The following EMSY variants were observed in gnomAD, a reference collection of about 807,000 sequenced individuals.
EMSY encodes the protein BRCA2-interacting transcriptional repressor EMSY.
In EMSY, 26 loss-of-function variants were observed where a neutral mutation model predicts 134.6. The observed-to-expected ratio is 0.19, with a 90% CI of 0.14 to 0.27. The LOEUF (loss-of-function observed/expected upper bound fraction) is 0.27. Among genes scored for constraint, EMSY ranks in the 10% least tolerant of loss-of-function variants. The pLI is 1.00. For synonymous variants in EMSY, 579 were observed against 577.8 expected (o/e 1.00, Z -0.03); for missense variants, 1,305 against 1,611.4 (o/e 0.81, Z 3.26).
intron 20 of EMSY, 120 bp from the exon 22 acceptor site, chr11:76,549,832 T>TAGTTGTCC: frequency 1.2e-6 from 1 of 809,720 alleles, no homozygotes; most frequent in South Asian, 1.9e-5. Context: ...TGGCATGTAG[T>TAGTTGTCC]AGTTGTCCAG....
chr11:76,481,589 A>T (rs1948983121), intron 8 of EMSY, among the ~76,000 whole-genome samples: 1 of 152,326 alleles, frequency 6.6e-6, no homozygotes, highest in African/African-American at 2.4e-5. Flanking sequence ...CTTAGGCTTG[A>T]GTAGGTGGTT....
intron 16 of EMSY, 145 bp from the exon 18 acceptor site, chr11:76,539,454 C>A: frequency 2.7e-6 from 2 of 748,832 alleles, no homozygotes; most frequent in South Asian, 2.1e-5. Context: ...CATCTAGAAT[C>A]TTTCTTTAGA....
At chr11:76,477,508 T>C (rs547708000) in intron 8 of EMSY, among the ~76,000 whole-genome samples, 25 of 152,220 alleles carry the variant, frequency 1.6e-4, no homozygotes, top group African/African-American at 5.8e-4. Flanking sequence ...AGCAAATATG[T>C]ATTTATTATA....
At chr11:76,470,722 C>T (rs75562597) in intron 7 of EMSY, among the ~76,000 whole-genome samples, 238 of 152,100 alleles carry the variant, frequency 1.6e-3, no homozygotes, top group African/African-American at 5.5e-3. Context: ...TGTTTTTCTT[C>T]CTACTTAAAA....
rs1310562550 is a variant in EMSY, at chr11:76,447,022, T to A, written c.70+14T>A. ...TTCGAAAATTGGGTATGACGTTCAT[T>A]GTTTGTTTTTTACCTCTCTCTGATA... On this transcript the variant is annotated intron_variant, in intron 2 of 20. Transcript: ENST00000334736. 6.2e-7 allele frequency: 1 copy of A among 1,613,130 alleles called. No homozygotes were observed. Among genetic ancestry groups the A allele is most frequent in the Non-Finnish European group, 8.5e-7 (1 of 1,179,352 alleles).
rs1947681203 is a variant in EMSY at position 76,451,803 on chromosome 11, C to T, written c.71-55C>T. 6 of 1,096,404 alleles carry T rather than the reference C, an allele frequency of 5.5e-6. No homozygotes were observed. The South Asian group carries it at 1.1e-4, about 21-fold the overall frequency. The allele number at this position is 1,096,404 out of a possible 1,614,324, so 67.9% of individuals were successfully genotyped here. ...TGCCCTGAAGTTTCACTATACATAG[C>T]CATAGTATTAAAATATTAAAGGCCT... is the stretch of plus-strand genomic sequence containing the variant. On this transcript the variant is annotated intron_variant, in intron 2 of 20. Coordinates refer to ENST00000334736, the Ensembl canonical transcript of EMSY.
intron 12 of EMSY, among the ~76,000 whole-genome samples, chr11:76,523,608 A>G (rs924881395): frequency 1.3e-5 from 2 of 150,744 alleles, no homozygotes; most frequent in Non-Finnish European, 3.0e-5. Flanking sequence ...ATTCCTGCTT[A>G]TGGTCAATAG....
chr11:76,535,927 C>A lies in EMSY; in HGVS notation c.2227C>A (p.Arg743=). ...GCCTGTAGTTCATGTAATTGCTTCC[C>A]GGCGTCAGGATTGGTCAGAACATGA... Residue 743 remains arginine (R), a synonymous_variant, in exon 15 of 21, where the codon CGG becomes AGG. Coordinates refer to ENST00000334736, the Ensembl canonical transcript of EMSY. The A allele has an allele frequency of 6.4e-7, 1 of 1,552,418 alleles. No individual in the cohort carries two copies.
At chr11:76,526,289 A>C (rs558248313) in intron 12 of EMSY, among the ~76,000 whole-genome samples, 173 bp from the exon 14 acceptor site, 1 of 152,190 alleles carries the variant, frequency 6.6e-6, no homozygotes, top group Non-Finnish European at 1.5e-5. Context: ...ATGACTTTCT[A>C]TATCATTTCA....
At chr11:76,456,555 T>G (rs1947880796) in intron 4 of EMSY, among the ~76,000 whole-genome samples, 1 of 152,218 alleles carries the variant, frequency 6.6e-6, no homozygotes, top group African/African-American at 2.4e-5. Flanking sequence ...GAATAGCTTT[T>G]AGAATTTTTT....
chr11:76,446,323 G>A (rs56136749), intron 1 of EMSY, among the ~76,000 whole-genome samples: 89 of 58,002 alleles, frequency 1.5e-3, no homozygotes, highest in Admixed American at 3.7e-3. Flanking sequence ...GTGTGTGTGT[G>A]TATATATATA....
intron 10 of EMSY, among the ~76,000 whole-genome samples, chr11:76,513,832 G>C (rs570758790): frequency 6.6e-6 from 1 of 152,040 alleles, no homozygotes; most frequent in Non-Finnish European, 1.5e-5. Context: ...CTCTGTGAGC[G>C]TAAGGGACCA....
chr11:76,479,053 A>T (rs749208539), intron 8 of EMSY, among the ~76,000 whole-genome samples: 7 of 152,138 alleles, frequency 4.6e-5, no homozygotes, highest in Non-Finnish European at 8.8e-5. Context: ...AGAATATTTC[A>T]TTAGTATCTG....
chr11:76,445,929 G>A (rs61894507), intron 1 of EMSY, among the ~76,000 whole-genome samples: 41,255 of 152,012 alleles, frequency 0.27, 5,951 homozygotes, highest in Non-Finnish European at 0.32. Flanking sequence ...GAGGACTATG[G>A]GAAGTAGGGG....
intron 6 of EMSY, 96 bp downstream of exon 7, chr11:76,460,181 C>T (rs1948051781): frequency 7.1e-7 from 1 of 1,400,108 alleles, no homozygotes. Context: ...ATCATTGGTC[C>T]ACTAGCTGTT....
At chr11:76,486,436 G>A (rs2135585928) in intron 8 of EMSY, among the ~76,000 whole-genome samples, 1 of 152,340 alleles carries the variant, frequency 6.6e-6, no homozygotes, top group South Asian at 2.1e-4. Context: ...ACTAACAGCA[G>A]TGAACAGAGG....
intron 8 of EMSY, among the ~76,000 whole-genome samples, chr11:76,481,645 G>T (rs1948986424): frequency 6.6e-6 from 1 of 152,198 alleles, no homozygotes; most frequent in Non-Finnish European, 1.5e-5. Context: ...TTCGAACTGG[G>T]CGGAGCCCAC....
At chr11:76,518,249 C>T (rs573538176) in intron 11 of EMSY, among the ~76,000 whole-genome samples, 5 of 147,844 alleles carry the variant, frequency 3.4e-5, no homozygotes, top group East Asian at 4.0e-4. Flanking sequence ...CTTGTTACAG[C>T]GTCAGCCTCC....
chr11:76,495,006 G>A (rs1323408447), intron 8 of EMSY, among the ~76,000 whole-genome samples: 1 of 152,176 alleles, frequency 6.6e-6, no homozygotes, highest in Non-Finnish European at 1.5e-5. Context: ...AAAGTGTTGG[G>A]ATTACAGGCG....
Sources: allele counts gnomAD v4.1 joint callset (sites outside exome capture counted in the v4.1 genomes callset), GRCh38; gene constraint gnomAD v4.1.1; transcripts MANE v1.5; gene names NCBI Gene and HGNC (gene_info 2026-07-23, HGNC 2026-07-21).